OSBPL6: variants seen among roughly 807,000 people sequenced by gnomAD.
OSBPL6 encodes oxysterol-binding protein-related protein 6.
OSBPL6 carries 49 observed loss-of-function variants against 125.8 expected under a neutral mutation model. The ratio of observed to expected loss-of-function variants is 0.39; its 90% confidence interval spans 0.31 to 0.49. The LOEUF is 0.49. OSBPL6 is among the 20% of genes least tolerant of loss of function. OSBPL6 has a pLI of 0.88. For synonymous variants in OSBPL6, 394 were observed against 391.8 expected (o/e 1.01, Z -0.07); for missense variants, 986 against 1,135.4 (o/e 0.87, Z 1.89).
At chr2:178,349,416 A>T (rs1559278503) in intron 12 of OSBPL6, 27 bp downstream of exon 12, 12 of 1,603,008 alleles carry the variant, frequency 7.5e-6, no homozygotes, top group Non-Finnish European at 1.0e-5. Flanking sequence ...TGCGCCCTTT[A>T]AAGAAGCTCT....
At chr2:178,341,647 C>A (rs77198780) in intron 11 of OSBPL6, among the ~76,000 whole-genome samples, 22,599 of 152,138 alleles carry the variant, frequency 0.15, 1,824 homozygotes, top group Admixed American at 0.23. Flanking sequence ...CAAAGACACT[C>A]AAAGACAACT....
intron 1 of OSBPL6, among the ~76,000 whole-genome samples, chr2:178,235,446 A>G (rs2091018896): frequency 8.7e-6 from 1 of 115,554 alleles, no homozygotes; most frequent in Non-Finnish European, 1.6e-5. Context: ...TCGCTGTGTC[A>G]CCCAGGCTGG....
In OSBPL6 at chr2:178,339,772, T is replaced by C. The variant is rs1290772680; in HGVS notation, c.987+8T>C. 1 of 1,587,266 alleles carries C rather than the reference T, an allele frequency of 6.3e-7. No individual in the cohort carries two copies. Among genetic ancestry groups the C allele is most frequent in the Non-Finnish European group, 8.6e-7 (1 of 1,167,126 alleles). ...ACAAAAATACAACTGCAGGTACAGA[T>C]TTTACTTTTCCTTCATTCACGTTTC... On this transcript the variant is annotated splice_region_variant and intron_variant, in intron 11 of 24. Transcript: ENST00000190611.
At position 178,326,911 on chromosome 2, in the gene OSBPL6, C is replaced by A. The variant is rs139103615; in HGVS notation, c.196-1345C>A. On this transcript the variant is annotated intron_variant, in intron 4 of 24. Transcript: ENST00000190611. ...TTTCTATCTTATCTCTTTTTCCCCC[C>A]CTTCTGGAGTTAAACTCTCAAAGAA... 5.3e-5 allele frequency among the ~76,000 whole-genome samples: 8 copies of A among 152,096 alleles called. No homozygotes were observed. In the East Asian group the frequency reaches 9.6e-4, roughly 18 times the overall value.
chr2:178,367,335 C>A (rs1461443544), intron 13 of OSBPL6, among the ~76,000 whole-genome samples: 1 of 151,962 alleles, frequency 6.6e-6, no homozygotes, highest in African/African-American at 2.4e-5. Flanking sequence ...TAAGAGAGAC[C>A]CAGGATTTGG....
At position 178,400,303 on chromosome 2, in the gene OSBPL6, G is replaced by A. The variant is rs1485951266; in HGVS notation, c.*4744G>A. ...GCTGTACTTTTTTTTTTTTTTTTGA[G>A]ACAGAGTCTTGAGTGCTCTGTCACC... On this transcript the variant is annotated 3_prime_UTR_variant, in exon 25 of 25. Coordinates refer to ENST00000190611, the MANE Select transcript of OSBPL6 (RefSeq NM_032523.4). The A allele has an allele frequency of 1.5e-5, 2 of 133,418 alleles. No homozygotes were observed. Among genetic ancestry groups the A allele is most frequent in the African/African-American group, 5.8e-5 (2 of 34,268 alleles). 8.3% of individuals were successfully genotyped at this position (133,418 alleles called of 1,614,324 possible). A position where few individuals can be genotyped will look rare whatever the true frequency, so the allele number is the denominator to read the frequency against.
intron 1 of OSBPL6, among the ~76,000 whole-genome samples, chr2:178,269,080 G>A (rs2092315042): frequency 1.3e-5 from 2 of 152,160 alleles, no homozygotes; most frequent in African/African-American, 4.8e-5. Flanking sequence ...GTATTGGCAG[G>A]CCAGGGTATA....
intron 22 of OSBPL6, 99 bp from the exon 23 acceptor site, chr2:178,392,313 A>G (rs1260613947): frequency 3.0e-6 from 4 of 1,337,912 alleles, no homozygotes; most frequent in African/African-American, 2.9e-5. Context: ...ATGACTACAA[A>G]TTTGGTGTTA....
chr2:178,258,389 G>A (rs2091952551), intron 1 of OSBPL6, among the ~76,000 whole-genome samples: 1 of 152,134 alleles, frequency 6.6e-6, no homozygotes, highest in Admixed American at 6.5e-5. Flanking sequence ...GAGCCACTGT[G>A]CCTGGCCAGG....
In OSBPL6 at chr2:178,366,637, T is replaced by A. The variant is rs1692860419; in HGVS notation, c.1287+4822T>A. On this transcript the variant is annotated intron_variant, in intron 13 of 24. Coordinates refer to ENST00000190611, the MANE Select transcript of OSBPL6 (RefSeq NM_032523.4). ...TGTAAATAGAATTGAAGCAAAAAAA[T>A]TGCTTAACATACTATATAGTAGCAT... Among the ~76,000 whole-genome samples the A allele has an allele frequency of 2.6e-5, 4 of 152,276 alleles. No homozygotes were observed. In the South Asian group the frequency reaches 6.2e-4, roughly 24 times the overall value.
chr2:178,316,469 C>T (rs1329597750), intron 3 of OSBPL6, among the ~76,000 whole-genome samples: 2 of 152,140 alleles, frequency 1.3e-5, no homozygotes, highest in Admixed American at 1.3e-4. Context: ...AAATATTGCA[C>T]AGCTGCTAAA....
intron 4 of OSBPL6, among the ~76,000 whole-genome samples, chr2:178,325,614 G>C (rs1688633948): frequency 6.6e-6 from 1 of 152,080 alleles, no homozygotes; most frequent in Non-Finnish European, 1.5e-5. Flanking sequence ...TAAATAAAAG[G>C]GCAATGGAAA....
At chr2:178,390,020 G>A (rs1377739517) in intron 21 of OSBPL6, among the ~76,000 whole-genome samples, 1 of 152,110 alleles carries the variant, frequency 6.6e-6, no homozygotes, top group Non-Finnish European at 1.5e-5. Flanking sequence ...TAGAACTGAA[G>A]AGCCAAGATC....
chr2:178,322,917 TAAAAA>T (rs4019732), intron 3 of OSBPL6, among the ~76,000 whole-genome samples: 3 of 144,550 alleles, frequency 2.1e-5, no homozygotes, highest in Non-Finnish European at 3.0e-5. Flanking sequence ...CTCATGCATT[TAAAAA>T]AAAAAAAAAA....
intron 2 of OSBPL6, among the ~76,000 whole-genome samples, chr2:178,295,356 C>CTA (rs1232009856): frequency 6.6e-6 from 1 of 152,176 alleles, no homozygotes; most frequent in African/African-American, 2.4e-5. Flanking sequence ...AGGTTCAGCA[C>CTA]TATAGCCCAC....
chr2:178,270,056 C>A (rs375441787), intron 1 of OSBPL6, among the ~76,000 whole-genome samples: 1 of 152,196 alleles, frequency 6.6e-6, no homozygotes, highest in Non-Finnish European at 1.5e-5. Flanking sequence ...CCTCTCTTTG[C>A]TCCCTGAGTA....
At chr2:178,208,866 T>G (rs2153951261) in intron 1 of OSBPL6, among the ~76,000 whole-genome samples, 1 of 116,392 alleles carries the variant, frequency 8.6e-6, no homozygotes, top group East Asian at 2.9e-4. Context: ...GGGTAAAATT[T>G]TTGAGATCTT....
In OSBPL6 at chr2:178,394,365, G is replaced by A; in HGVS notation, c.2626G>A (p.Glu876Lys). 1.2e-6 allele frequency: 2 copies of A among 1,613,668 alleles called. No homozygotes were observed. The highest frequency in any genetic ancestry group is 1.7e-6 in the Non-Finnish European group (2 of 1,179,842). Residue 876 changes from glutamate to lysine, a missense_variant, in exon 24 of 25, where the codon GAG becomes AAG. Physicochemically the swap from Glu to Lys is moderately conservative, Grantham distance 56. Transcript: ENST00000190611. ...EAAASEKQRV[E>K]ELQRSRRRYM... Reference sequence around the variant, plus strand: ...TGCAGCATCAGAGAAGCAAAGAGTAGAGGAACTCCAGAGATCTCGGAGACG... The same window carrying A: ...TGCAGCATCAGAGAAGCAAAGAGTAAAGGAACTCCAGAGATCTCGGAGACG...
chr2:178,242,736 C>A (rs752250135), intron 1 of OSBPL6, among the ~76,000 whole-genome samples: 7 of 152,102 alleles, frequency 4.6e-5, no homozygotes, highest in Non-Finnish European at 1.0e-4. Context: ...CAAAATACTA[C>A]CAGTTGGCCA....
Sources: allele counts gnomAD v4.1 joint callset (sites outside exome capture counted in the v4.1 genomes callset), GRCh38; gene constraint gnomAD v4.1.1; transcripts MANE v1.5; gene names NCBI Gene and HGNC (gene_info 2026-07-23, HGNC 2026-07-21).